Variants in PTPRN2 observed in about 807,000 individuals in gnomAD.
PTPRN2 encodes the protein receptor-type tyrosine-protein phosphatase N2.
In PTPRN2, 74 loss-of-function variants were observed where a neutral mutation model predicts 118.8. The observed-to-expected ratio is 0.62, with a 90% CI of 0.52 to 0.76. PTPRN2 has a LOEUF of 0.76. PTPRN2 is among the 30% of genes least tolerant of loss of function. PTPRN2 has a pLI of 0.00. For synonymous variants in PTPRN2, 641 were observed against 608.0 expected (o/e 1.05, Z -0.80); for missense variants, 1,481 against 1,394.4 (o/e 1.06, Z -0.99).
At chr7:158,414,903 T>C (rs1028950947) in intron 2 of PTPRN2, among the ~76,000 whole-genome samples, 5 of 152,332 alleles carry the variant, frequency 3.3e-5, no homozygotes, top group South Asian at 2.1e-4. Context: ...GGAAGGTACC[T>C]CTGCCTGGGA....
rs983636279 is a variant in PTPRN2, at chr7:158,519,930, G to A, written c.113-30145C>T. Among the ~76,000 whole-genome samples the A allele has an allele frequency of 7.2e-5, 11 of 152,304 alleles. No homozygotes were observed. In the South Asian group the frequency reaches 8.3e-4, roughly 11 times the overall value. ...TTTCCAACTTTACTATCATTAGCCTGAAACCAAGCTTTCCTGTTCAGTGCA... is the reference window on the plus strand; with the variant it reads ...TTTCCAACTTTACTATCATTAGCCTAAAACCAAGCTTTCCTGTTCAGTGCA... On this transcript the variant is annotated intron_variant, in intron 1 of 22. Transcript: ENST00000389418.
At chr7:157,797,863 C>T (rs1312560823) in intron 12 of PTPRN2, among the ~76,000 whole-genome samples, 1 of 152,208 alleles carries the variant, frequency 6.6e-6, no homozygotes, top group African/African-American at 2.4e-5. Flanking sequence ...TCCTGAGACC[C>T]CTCTGAACCT....
chr7:157,820,386 AT>A (rs1428200162), intron 12 of PTPRN2, among the ~76,000 whole-genome samples: 3 of 150,598 alleles, frequency 2.0e-5, no homozygotes, highest in Non-Finnish European at 4.4e-5. Context: ...ATATATGCAT[AT>A]TCAAACACAC....
In PTPRN2 at chr7:157,903,573, A is replaced by C. The variant is rs1797591748; in HGVS notation, c.1724-4836T>G. Among the ~76,000 whole-genome samples the C allele has an allele frequency of 6.6e-6, 1 of 152,052 alleles. No individual in the cohort carries two copies. The highest frequency in any genetic ancestry group is 2.1e-4 in the South Asian group (1 of 4,814). ...CCTCTCGAAACTGACTGGACCTTTTAAAATGTAGTTCAGTCGGTTTAAATC... is the reference window on the plus strand; with the variant it reads ...CCTCTCGAAACTGACTGGACCTTTTCAAATGTAGTTCAGTCGGTTTAAATC... On this transcript the variant is annotated intron_variant, in intron 11 of 22. Transcript: ENST00000389418. The surrounding 1 kb of genome is among the most constrained non-coding windows in gnomAD (Gnocchi z 4.2).
intron 9 of PTPRN2, among the ~76,000 whole-genome samples, chr7:158,111,795 A>C (rs541329999): frequency 6.6e-6 from 1 of 152,228 alleles, no homozygotes; most frequent in South Asian, 2.1e-4. Flanking sequence ...TCATGCTATG[A>C]TGGGTTGAAT....
At chr7:158,086,149 C>T (rs1813393882) in intron 10 of PTPRN2, among the ~76,000 whole-genome samples, 1 of 152,154 alleles carries the variant, frequency 6.6e-6, no homozygotes, top group Non-Finnish European at 1.5e-5. Context: ...AATTACAGAC[C>T]TGCTTAGAAA....
At chr7:157,650,556 C>T (rs905852151) in intron 14 of PTPRN2, among the ~76,000 whole-genome samples, 13 of 152,174 alleles carry the variant, frequency 8.5e-5, no homozygotes, top group East Asian at 1.9e-4. Context: ...AGAGCGAGAA[C>T]GGCCAGCCCA....
In PTPRN2 at chr7:158,529,705, C is replaced by A. The variant is rs747429378; in HGVS notation, c.113-39920G>T. Among the ~76,000 whole-genome samples, 1 of 152,154 alleles carries A rather than the reference C, an allele frequency of 6.6e-6. No homozygotes were observed. The highest frequency in any genetic ancestry group is 1.9e-4 in the East Asian group (1 of 5,186). On this transcript the variant is annotated intron_variant, in intron 1 of 22. Coordinates refer to ENST00000389418, the MANE Select transcript of PTPRN2 (RefSeq NM_002847.5). The surrounding 1 kb of genome is among the most constrained non-coding windows in gnomAD (Gnocchi z 4.7). ...ACTCACCACACCTGGGCTGTGTCCA[C>A]CAGCCCCAGGGGCTGTGGGGAGGGG...
chr7:158,375,344 C>A (rs570571303), intron 2 of PTPRN2, among the ~76,000 whole-genome samples: 1 of 152,210 alleles, frequency 6.6e-6, no homozygotes, highest in Non-Finnish European at 1.5e-5. Context: ...ATAGTCCAGG[C>A]ACAATGAGGG....
At chr7:158,259,703 T>C (rs1263028822) in intron 3 of PTPRN2, among the ~76,000 whole-genome samples, 1 of 148,618 alleles carries the variant, frequency 6.7e-6, no homozygotes, top group East Asian at 2.1e-4. Flanking sequence ...TGTCCTTGTG[T>C]CCCGGGTGTA....
At position 157,878,567 on chromosome 7, in the gene PTPRN2, A is replaced by G. The variant is rs560360008; in HGVS notation, c.1788+20106T>C. Among the ~76,000 whole-genome samples the G allele has an allele frequency of 2.1e-3, 297 of 142,518 alleles. 1 individual carries two copies. Among genetic ancestry groups the G allele is most frequent in the Admixed American group, 6.5e-3 (93 of 14,408 alleles). The allele number at this position is 142,518 out of a possible 152,430, so 93.5% of individuals were successfully genotyped here. A position where few individuals can be genotyped will look rare whatever the true frequency, so the allele number is the denominator to read the frequency against. On this transcript the variant is annotated intron_variant, in intron 12 of 22. Coordinates refer to ENST00000389418, the MANE Select transcript of PTPRN2 (RefSeq NM_002847.5). ...GGTCAGTGTGATACCGTGCACCCAC[A>G]CTTACTCACTGAGGAGCTCTCTCAG... is the stretch of plus-strand genomic sequence containing the variant.
rs1797394698 is a variant in PTPRN2 at position 157,690,009 on chromosome 7, G to A, written c.1789-7072C>T. ...CCCCTTCCCTCCTCCTTTCCCACAC[G>A]CCTCCCATCTCCGTGCCTGCACCCC... On this transcript the variant is annotated intron_variant, in intron 12 of 22. Coordinates refer to ENST00000389418, the MANE Select transcript of PTPRN2 (RefSeq NM_002847.5). This position sits in a 1 kb window ranked among gnomAD's most constrained non-coding sequence, Gnocchi z 7.1. Among the ~76,000 whole-genome samples, 2 of 152,044 alleles carry A rather than the reference G, an allele frequency of 1.3e-5. No individual in the cohort carries two copies. The highest frequency in any genetic ancestry group is 4.2e-4 in the South Asian group (2 of 4,818).
chr7:157,830,429 C>A (rs1368773813), intron 12 of PTPRN2, among the ~76,000 whole-genome samples: 1 of 152,192 alleles, frequency 6.6e-6, no homozygotes, highest in Non-Finnish European at 1.5e-5. Flanking sequence ...ACCAAAGCGA[C>A]TGCACTTGGC....
chr7:158,502,536 C>T (rs917093536), intron 1 of PTPRN2, among the ~76,000 whole-genome samples: 85 of 152,312 alleles, frequency 5.6e-4, no homozygotes, highest in African/African-American at 1.9e-3. Context: ...CACCCCTGCT[C>T]CTCGGGACGC....
chr7:158,059,381 A>G (rs866652853), intron 11 of PTPRN2, among the ~76,000 whole-genome samples: 2 of 113,032 alleles, frequency 1.8e-5, no homozygotes, highest in African/African-American at 4.5e-5. Flanking sequence ...CTGCAGCCAC[A>G]CTCCATCTGC....
At chr7:158,046,200 C>T (rs1048950870) in intron 11 of PTPRN2, among the ~76,000 whole-genome samples, 2 of 151,546 alleles carry the variant, frequency 1.3e-5, no homozygotes, top group Admixed American at 6.6e-5. Context: ...TCCTGGCATC[C>T]TGACACTGCC....
At chr7:158,092,070 ATGGT>A (rs1380464631) in intron 10 of PTPRN2, among the ~76,000 whole-genome samples, 2 of 137,640 alleles carry the variant, frequency 1.5e-5, no homozygotes, top group African/African-American at 2.7e-5. Flanking sequence ...AGGTAGAGAG[ATGGT>A]TGGGTGGGTG....
At chr7:158,379,363 A>G (rs1443649044) in intron 2 of PTPRN2, among the ~76,000 whole-genome samples, 1 of 151,988 alleles carries the variant, frequency 6.6e-6, no homozygotes, top group African/African-American at 2.4e-5. Context: ...TGTTCAGTAA[A>G]TGTTTGATGA....
At chr7:157,960,547 G>T (rs1185406190) in intron 11 of PTPRN2, among the ~76,000 whole-genome samples, 1 of 152,140 alleles carries the variant, frequency 6.6e-6, no homozygotes, top group Non-Finnish European at 1.5e-5. Context: ...TAAAAAATGT[G>T]CAGTAAACAT....
Sources: allele counts gnomAD v4.1 joint callset (sites outside exome capture counted in the v4.1 genomes callset), GRCh38; gene constraint gnomAD v4.1.1; non-coding constraint Gnocchi (gnomAD v3.1); transcripts MANE v1.5; gene names NCBI Gene and HGNC (gene_info 2026-07-23, HGNC 2026-07-21).